The following MAP4 variants were observed in gnomAD, a reference collection of about 807,000 sequenced individuals.
MAP4 encodes microtubule-associated protein 4.
In MAP4, 76 loss-of-function variants were observed where a neutral mutation model predicts 170.2. That is an observed-to-expected ratio of 0.45 (90% confidence interval 0.37 to 0.54). MAP4 has a LOEUF of 0.54. Among genes scored for constraint, MAP4 ranks in the 20% least tolerant of loss-of-function variants. The pLI, the probability that MAP4 is intolerant of heterozygous loss-of-function variation, is 0.00. For synonymous variants in MAP4, 909 were observed against 994.5 expected (o/e 0.91, Z 1.62); for missense variants, 2,506 against 2,748.0 (o/e 0.91, Z 1.97).
intron 17 of MAP4, among the ~76,000 whole-genome samples, chr3:47,862,071 GA>G (rs1662849257): frequency 6.8e-6 from 1 of 147,756 alleles, no homozygotes; most frequent in South Asian, 2.2e-4. Flanking sequence ...TGAGACAGGA[GA>G]ATCACTTGAA....
At chr3:47,880,698 A>C (rs2096576093) in intron 10 of MAP4, among the ~76,000 whole-genome samples, 1 of 152,162 alleles carries the variant, frequency 6.6e-6, no homozygotes. Context: ...ACCGGTCTCA[A>C]GCAGTCCTCC....
chr3:48,016,139 C>T (rs560557388), intron 1 of MAP4, among the ~76,000 whole-genome samples, 195 bp downstream of exon 1: 1 of 152,312 alleles, frequency 6.6e-6, no homozygotes, highest in East Asian at 1.9e-4. Flanking sequence ...AGCTACATTC[C>T]TACATGAAAG....
intron 8 of MAP4, among the ~76,000 whole-genome samples, chr3:47,913,237 A>C (rs2100036861): frequency 6.6e-6 from 1 of 152,162 alleles, no homozygotes; most frequent in Admixed American, 6.5e-5. Flanking sequence ...GATCCTGGCA[A>C]GAGTCTCATT....
chr3:47,975,975 A>C (rs1443356886), intron 3 of MAP4, among the ~76,000 whole-genome samples: 1 of 152,140 alleles, frequency 6.6e-6, no homozygotes, highest in Non-Finnish European at 1.5e-5. Flanking sequence ...TTTTTAGCAG[A>C]GATGGGGTTT....
chr3:47,877,206 G>T (rs1251078912), intron 11 of MAP4: 2 of 483,810 alleles, frequency 4.1e-6, no homozygotes, highest in Non-Finnish European at 7.6e-6. Context: ...AGATATATAA[G>T]ATAATAGGGT....
At chr3:47,936,991 A>G (rs1042680423) in intron 3 of MAP4, among the ~76,000 whole-genome samples, 1 of 151,728 alleles carries the variant, frequency 6.6e-6, no homozygotes, top group Non-Finnish European at 1.5e-5. Context: ...AAAAAAAAAA[A>G]AAAAAAGAAA....
intron 1 of MAP4, among the ~76,000 whole-genome samples, chr3:48,069,632 T>C (rs374628462): frequency 7.9e-5 from 12 of 152,242 alleles, no homozygotes; most frequent in Non-Finnish European, 1.6e-4. Flanking sequence ...GTCTCAGCTA[T>C]ACTGAGCACA....
At chr3:47,928,023 T>G (rs953056296) in intron 4 of MAP4, among the ~76,000 whole-genome samples, 1 of 152,194 alleles carries the variant, frequency 6.6e-6, no homozygotes, top group Non-Finnish European at 1.5e-5. Context: ...GTATTTAAAA[T>G]AGGTTTTGAA....
rs1475262440 is a variant in MAP4, at chr3:47,998,799, A to G, written c.62T>C (p.Ile21Thr). 3 of 1,614,188 alleles carry G rather than the reference A, an allele frequency of 1.9e-6. No individual in the cohort carries two copies. The highest frequency in any genetic ancestry group is 2.2e-5 in the East Asian group (1 of 44,886). ...TEPSPDIEGE[I>T]KRDFIATLEA... ...TAGTGTGGCAATGAAGTCCCGCTTT[A>G]TCTCTCCCTCAATGTCTGGAGATGG... The change falls in exon 2 of 21, where the codon ATA (isoleucine) becomes ACA (threonine). Residue 21 changes from isoleucine to threonine, a missense_variant. Physicochemically the swap from Ile to Thr is moderately conservative, Grantham distance 89. Transcript: ENST00000683076.
At position 47,875,665 on chromosome 3, in the gene MAP4, G is replaced by A. The variant is rs781361686; in HGVS notation, c.5757+20C>T. On this transcript the variant is annotated intron_variant, in intron 12 of 20. Coordinates refer to ENST00000683076, the MANE Select transcript of MAP4 (RefSeq NM_001385682.1). ...GAGGGGAACAATTTTCCTCGGCACAGTAGTTAGGTGACCACTTACCTTTGG... is the reference window on the plus strand; with the variant it reads ...GAGGGGAACAATTTTCCTCGGCACAATAGTTAGGTGACCACTTACCTTTGG... 7 of 1,603,136 alleles carry A rather than the reference G, an allele frequency of 4.4e-6. No homozygotes were observed. In the African/African-American group the frequency reaches 6.7e-5, roughly 15 times the overall value.
At chr3:47,997,974 T>C (rs1332481710) in intron 2 of MAP4, among the ~76,000 whole-genome samples, 2 of 152,198 alleles carry the variant, frequency 1.3e-5, no homozygotes, top group Non-Finnish European at 2.9e-5. Context: ...CAGGCCCAGA[T>C]AGCTTTATTG....
At chr3:48,082,105 T>G (rs1262066477) in intron 1 of MAP4, among the ~76,000 whole-genome samples, 1 of 152,192 alleles carries the variant, frequency 6.6e-6, no homozygotes, top group African/African-American at 2.4e-5. Context: ...TTGACATAAA[T>G]GATTTAATAA....
chr3:48,024,484 GA>G (rs979808657), intron 1 of MAP4, among the ~76,000 whole-genome samples: 1 of 152,110 alleles, frequency 6.6e-6, no homozygotes, highest in African/African-American at 2.4e-5. Context: ...GTGAGCTGAA[GA>G]ATTATGCTTC....
rs558058407 is a variant in MAP4 at position 48,006,089 on chromosome 3, C to T, written c.-19-7210G>A. 4.6e-5 allele frequency among the ~76,000 whole-genome samples: 7 copies of T among 152,170 alleles called. No homozygotes were observed. In the South Asian group the frequency reaches 1.5e-3, roughly 32 times the overall value. ...CTACTGCATTCCCACTTAATTTATA[C>T]AAACACAAAACTTCTAGGTCGAATG... On this transcript the variant is annotated intron_variant, in intron 1 of 20. Coordinates refer to ENST00000683076, the MANE Select transcript of MAP4 (RefSeq NM_001385682.1).
intron 1 of MAP4, among the ~76,000 whole-genome samples, chr3:48,072,000 C>T (rs562311200): frequency 2.6e-5 from 4 of 152,192 alleles, no homozygotes; most frequent in South Asian, 4.1e-4. Context: ...GCAGGTGGAT[C>T]GCTTGAGGTC....
intron 19 of MAP4, among the ~76,000 whole-genome samples, chr3:47,853,895 G>A (rs1014798794): frequency 1.3e-5 from 2 of 152,198 alleles, no homozygotes; most frequent in African/African-American, 4.8e-5. Context: ...AGGCAGAAAG[G>A]TGTCCAAGGA....
At chr3:47,982,993 G>A (rs1454781361) in intron 2 of MAP4, among the ~76,000 whole-genome samples, 1 of 152,134 alleles carries the variant, frequency 6.6e-6, no homozygotes, top group Non-Finnish European at 1.5e-5. Context: ...TGTCTCCCGG[G>A]TTCAAGCAAT....
chr3:47,865,299 C>A (rs1425150872), intron 17 of MAP4, among the ~76,000 whole-genome samples: 1 of 152,146 alleles, frequency 6.6e-6, no homozygotes, highest in Admixed American at 6.5e-5. Context: ...CCTCAGAACC[C>A]CTGTTCACCT....
chr3:48,047,955 A>T (rs1178489603), intron 1 of MAP4, among the ~76,000 whole-genome samples: 1 of 152,134 alleles, frequency 6.6e-6, no homozygotes, highest in African/African-American at 2.4e-5. Context: ...ACAGAGAGAG[A>T]TGTTTGGCAC....
Sources: gnomAD v4.1 joint callset for allele counts (sites outside exome capture counted in the v4.1 genomes callset) on GRCh38, gnomAD v4.1.1 for gene constraint, MANE v1.5 for transcripts, NCBI Gene and HGNC (gene_info 2026-07-23, HGNC 2026-07-21) for gene names.